The following CA10 variants were observed in gnomAD, a reference collection of about 807,000 sequenced individuals.
CA10 encodes the protein carbonic anhydrase 10 (inactive), also known as carbonic anhydrase-related protein 10.
CA10 carries 14 observed loss-of-function variants against 44.2 expected under a neutral mutation model. The ratio of observed to expected loss-of-function variants is 0.32; its 90% CI spans 0.21 to 0.50. The LOEUF is 0.50. Among genes scored for constraint, CA10 ranks in the 20% least tolerant of loss-of-function variants. CA10 has a pLI of 0.99. For missense variants in CA10, 350 were observed against 409.7 expected (o/e 0.85, Z 1.26); for synonymous variants, 159 against 141.6 (o/e 1.12, Z -0.87).
chr17:51,974,873 G>A (rs1984410326), intron 2 of CA10, among the ~76,000 whole-genome samples: 1 of 152,024 alleles, frequency 6.6e-6, no homozygotes, highest in Admixed American at 6.5e-5. Context: ...AAATATAAAG[G>A]TAAAATAAAG....
Position 51,810,418 on chromosome 17 carries a change from A to G in CA10, c.280-62600T>C, listed in dbSNP as rs112369700. ...GGATGTCAGAGAAGGCTTCCTGCAG[A>G]AGGTGGCAGTGAGATGGGCCTTAAA... On this transcript the variant is annotated intron_variant, in intron 3 of 8. Transcript: ENST00000451037. Among the ~76,000 whole-genome samples, 824 of 152,270 alleles carry G rather than the reference A, an allele frequency of 5.4e-3. 9 individuals carry two copies. Among genetic ancestry groups the G allele is most frequent in the African/African-American group, 0.019 (781 of 41,560 alleles).
At chr17:52,040,946 G>T (rs966969767) in intron 2 of CA10, among the ~76,000 whole-genome samples, 2 of 152,000 alleles carry the variant, frequency 1.3e-5, no homozygotes, top group Non-Finnish European at 2.9e-5. Context: ...GGTCACAAAG[G>T]GCTGGGAAGA....
At chr17:51,743,420 C>T (rs182809807) in intron 4 of CA10, among the ~76,000 whole-genome samples, 1 of 152,172 alleles carries the variant, frequency 6.6e-6, no homozygotes, top group East Asian at 1.9e-4. Context: ...TTCATTTTTC[C>T]TTCTTAAAGA....
intron 1 of CA10, among the ~76,000 whole-genome samples, chr17:52,099,469 T>G (rs1005955894): frequency 3.3e-5 from 5 of 152,194 alleles, no homozygotes; most frequent in African/African-American, 1.2e-4. Flanking sequence ...TTTTTCTGTT[T>G]GTTTTTGGCA....
At chr17:51,683,311 T>A (rs1485111618) in intron 4 of CA10, among the ~76,000 whole-genome samples, 1 of 151,958 alleles carries the variant, frequency 6.6e-6, no homozygotes, top group East Asian at 1.9e-4. Flanking sequence ...GTAACTGGAG[T>A]CCAAGGACTG....
At chr17:52,090,089 G>A (rs1447730540) in intron 1 of CA10, among the ~76,000 whole-genome samples, 1 of 152,128 alleles carries the variant, frequency 6.6e-6, no homozygotes, top group Non-Finnish European at 1.5e-5. Flanking sequence ...AAGTTATTAA[G>A]TAACTGTAAA....
intron 1 of CA10, among the ~76,000 whole-genome samples, chr17:52,153,880 T>G (rs1432524791): frequency 1.3e-5 from 2 of 152,214 alleles, no homozygotes; most frequent in Non-Finnish European, 2.9e-5. Flanking sequence ...AGAACAAACA[T>G]GTGACACGTG....
Position 51,653,670 on chromosome 17 carries a change from C to T in CA10, c.532G>A (p.Gly178Arg). ...ATAAATATAGAAACTACCACCAATC[C>T]ATTTGGACTCTTTGCAGCTTCTGTG... ...NVTEAAKSPNGLVVVSIFIKV... is the reference protein window; with the variant it reads ...NVTEAAKSPNRLVVVSIFIKV... The change falls in exon 5 of 9, where the codon GGA becomes AGA. Residue 178 changes from glycine to arginine, a missense_variant. By Grantham distance (125) the Gly-to-Arg change is moderately radical. Coordinates refer to ENST00000451037, the MANE Select transcript of CA10 (RefSeq NM_020178.5). 6.2e-7 allele frequency: 1 copy of T among 1,604,458 alleles called. No homozygotes were observed. Among genetic ancestry groups the T allele is most frequent in the Non-Finnish European group, 8.5e-7 (1 of 1,171,240 alleles).
intron 2 of CA10, among the ~76,000 whole-genome samples, chr17:51,990,550 T>A (rs1333575550): frequency 6.6e-6 from 1 of 152,080 alleles, no homozygotes; most frequent in Admixed American, 6.6e-5. Context: ...ACTGAGATAA[T>A]TCTAAGTCCA....
chr17:51,714,097 G>T (rs1436408861), intron 4 of CA10, among the ~76,000 whole-genome samples: 1 of 152,080 alleles, frequency 6.6e-6, no homozygotes, highest in Non-Finnish European at 1.5e-5. Context: ...GTCTGTATAT[G>T]TGTGCATTTG....
At chr17:51,918,690 T>C (rs1337479547) in intron 3 of CA10, among the ~76,000 whole-genome samples, 1 of 152,154 alleles carries the variant, frequency 6.6e-6, no homozygotes. Flanking sequence ...TGGGCAAAGA[T>C]AACATTAACA....
intron 4 of CA10, among the ~76,000 whole-genome samples, chr17:51,680,984 A>T (rs988736081): frequency 6.6e-6 from 1 of 152,186 alleles, no homozygotes; most frequent in African/African-American, 2.4e-5. Flanking sequence ...TCTATATTGT[A>T]GGGAATATTT....
intron 1 of CA10, among the ~76,000 whole-genome samples, chr17:52,107,740 T>A (rs976334371): frequency 1.3e-5 from 2 of 152,200 alleles, no homozygotes; most frequent in Admixed American, 1.3e-4. Context: ...AGATCTGCAA[T>A]GTGATCGGCA....
At chr17:51,658,495 G>A (rs1481660209) in intron 4 of CA10, among the ~76,000 whole-genome samples, 1 of 152,186 alleles carries the variant, frequency 6.6e-6, no homozygotes, top group Non-Finnish European at 1.5e-5. Flanking sequence ...TAACATTTGA[G>A]CTGAATCCTG....
chr17:51,705,047 T>C (rs768194190), intron 4 of CA10, among the ~76,000 whole-genome samples: 4 of 152,144 alleles, frequency 2.6e-5, no homozygotes, highest in South Asian at 2.1e-4. Context: ...TGGTGGATTC[T>C]ATTCCTCTTC....
In CA10 at chr17:51,963,313, G is replaced by A. The variant is rs537522218; in HGVS notation, c.137-32181C>T. Among the ~76,000 whole-genome samples the A allele has an allele frequency of 4.6e-5, 7 of 152,272 alleles. No individual in the cohort carries two copies. In the South Asian group the frequency reaches 1.2e-3, roughly 27 times the overall value. On this transcript the variant is annotated intron_variant, in intron 2 of 8. Coordinates refer to ENST00000451037, the MANE Select transcript of CA10 (RefSeq NM_020178.5). Reference sequence around the variant, plus strand: ...ATTATTGGCATTCCTGAGAGAGAAGGAGAAAACATAAGCAACCTTGGAAAC... The same window carrying A: ...ATTATTGGCATTCCTGAGAGAGAAGAAGAAAACATAAGCAACCTTGGAAAC...
intron 2 of CA10, among the ~76,000 whole-genome samples, chr17:52,056,311 A>G (rs11652897): frequency 2.0e-5 from 3 of 152,052 alleles, no homozygotes; most frequent in Non-Finnish European, 2.9e-5. Context: ...TTGCAGGGCA[A>G]TTTGGAATTG....
intron 3 of CA10, among the ~76,000 whole-genome samples, chr17:51,912,368 G>A (rs992006409): frequency 6.6e-6 from 1 of 152,172 alleles, no homozygotes; most frequent in African/African-American, 2.4e-5. Context: ...AGGAGGTAAA[G>A]TAACTTGCTT....
At chr17:52,049,044 T>C (rs965160362) in intron 2 of CA10, among the ~76,000 whole-genome samples, 8 of 152,094 alleles carry the variant, frequency 5.3e-5, no homozygotes, top group Non-Finnish European at 1.2e-4. Flanking sequence ...TAAAATGACA[T>C]ATATAAGAAT....
Sources: allele counts gnomAD v4.1 joint callset (sites outside exome capture counted in the v4.1 genomes callset), GRCh38; gene constraint gnomAD v4.1.1; transcripts MANE v1.5; gene names NCBI Gene and HGNC (gene_info 2026-07-23, HGNC 2026-07-21).